DNAH9: variants seen among roughly 807,000 people sequenced by gnomAD.
DNAH9 encodes the protein DNAH9 variant protein.
A neutral mutation model predicts 471.6 loss-of-function variants in DNAH9; 345 were observed. That is an observed-to-expected ratio of 0.73 (90% CI 0.67 to 0.80). DNAH9 has a LOEUF of 0.80. DNAH9 is among the 30% of genes least tolerant of loss of function. The pLI, the probability that DNAH9 is intolerant of heterozygous loss-of-function variation, is 0.00. For synonymous variants in DNAH9, 2,093 were observed against 2,123.6 expected (o/e 0.99, Z 0.40); for missense variants, 5,407 against 5,609.2 (o/e 0.96, Z 1.15).
In DNAH9 at chr17:11,834,997, A is replaced by G. The variant is rs12942631; in HGVS notation, c.9507+99A>G. ...AGAGATGCAAGGACAATGTTGGGAG[A>G]GTTTAGGGTGGGCTCCAACTGTCAC... On this transcript the variant is annotated intron_variant, in intron 49 of 68. Transcript: ENST00000262442. The G allele has an allele frequency of 0.35, 509,650 of 1,459,606 alleles. 89,847 individuals carry two copies. The highest frequency in any genetic ancestry group is 0.45 in the Admixed American group (19,928 of 44,712). 90.4% of individuals were successfully genotyped at this position (1,459,606 alleles called of 1,614,324 possible).
chr17:11,700,995 C>A, intron 23 of DNAH9, 127 bp from the exon 24 acceptor site: 2 of 956,526 alleles, frequency 2.1e-6, no homozygotes, highest in East Asian at 2.5e-5. Flanking sequence ...CTTCTGGCAG[C>A]CACTTGGGGC....
Position 11,834,642 on chromosome 17 carries a change from A to T in DNAH9, c.9251A>T (p.Asp3084Val), listed in dbSNP as rs577577010. 3.2e-5 allele frequency: 52 copies of T among 1,613,878 alleles called. No individual in the cohort carries two copies. The South Asian group carries it at 5.1e-4, about 16-fold the overall frequency. Residue 3084 changes from aspartate (D) to valine (V), a missense_variant, in exon 49 of 69, where the codon GAT becomes GTT. Asp to Val is a radical substitution (Grantham distance 152, BLOSUM62 -3). Transcript: ENST00000262442. ...LKLHSTSAQV[D>V]DLKAKLAAQE... ...TCCCGTGCTTCTCCAATGCAGGTGG[A>T]TGATCTGAAAGCAAAGCTGGCTGCC...
At chr17:11,830,617 T>C (rs1567832904) in intron 48 of DNAH9, among the ~76,000 whole-genome samples, 2 of 151,842 alleles carry the variant, frequency 1.3e-5, no homozygotes, top group Non-Finnish European at 2.9e-5. Context: ...GGTGGGAAAA[T>C]AGAGAGAGGA....
intron 42 of DNAH9, among the ~76,000 whole-genome samples, chr17:11,795,915 A>G (rs2150910857): frequency 6.6e-6 from 1 of 152,294 alleles, no homozygotes; most frequent in Admixed American, 6.5e-5. Flanking sequence ...ACATCTTGGT[A>G]TTGGTATCAA....
At chr17:11,869,094 G>A in intron 50 of DNAH9, 40 bp from the exon 51 acceptor site, 1 of 1,605,096 alleles carries the variant, frequency 6.2e-7, no homozygotes, top group Non-Finnish European at 8.5e-7. Flanking sequence ...AGTTACATGG[G>A]CCGAAATGAC....
At chr17:11,918,780 G>A (rs1378788874) in intron 61 of DNAH9, among the ~76,000 whole-genome samples, 1 of 152,008 alleles carries the variant, frequency 6.6e-6, no homozygotes, top group Non-Finnish European at 1.5e-5. Flanking sequence ...GAGGTCAGGA[G>A]TCTGAGACCA....
At chr17:11,707,993 ACACACACACACAC>A (rs2074742392) in intron 26 of DNAH9, among the ~76,000 whole-genome samples, 1 of 67,346 alleles carries the variant, frequency 1.5e-5, no homozygotes, top group Non-Finnish European at 4.2e-5. Context: ...ACACACACAC[ACACACACACACAC>A]ACACACACAG....
chr17:11,862,834 T>C (rs1423317908), intron 50 of DNAH9, among the ~76,000 whole-genome samples: 1 of 151,936 alleles, frequency 6.6e-6, no homozygotes, highest in Non-Finnish European at 1.5e-5. Flanking sequence ...CTGTTATTGG[T>C]GTATAAGAAT....
chr17:11,710,341 A>G (rs1029763260), intron 26 of DNAH9, among the ~76,000 whole-genome samples: 9 of 152,162 alleles, frequency 5.9e-5, no homozygotes, highest in African/African-American at 2.2e-4. Flanking sequence ...ACTCACTTAT[A>G]TGTACAATTT....
At chr17:11,785,393 C>T (rs888263880) in intron 41 of DNAH9, among the ~76,000 whole-genome samples, 1 of 152,140 alleles carries the variant, frequency 6.6e-6, no homozygotes, top group African/African-American at 2.4e-5. Context: ...CACCACCTTC[C>T]AATGACAGCA....
intron 33 of DNAH9, among the ~76,000 whole-genome samples, chr17:11,756,286 A>C (rs1219978016): frequency 1.3e-5 from 2 of 151,970 alleles, no homozygotes; most frequent in East Asian, 1.9e-4. Context: ...AAAAAAAAAA[A>C]AAAAAAATCA....
intron 35 of DNAH9, among the ~76,000 whole-genome samples, chr17:11,758,030 C>T (rs987550237): frequency 6.6e-6 from 1 of 152,134 alleles, no homozygotes; most frequent in Non-Finnish European, 1.5e-5. Context: ...AGCAGCTCTG[C>T]ATTTGTAATA....
At chr17:11,839,515 C>CA (rs1187144134) in intron 49 of DNAH9, among the ~76,000 whole-genome samples, 1,798 of 105,976 alleles carry the variant, frequency 0.017, 26 homozygotes, top group African/African-American at 0.049. Flanking sequence ...GACTCTGTCT[C>CA]AAAAAAAAAA....
chr17:11,627,505 G>A (rs933776692), intron 6 of DNAH9, among the ~76,000 whole-genome samples: 3 of 152,166 alleles, frequency 2.0e-5, no homozygotes, highest in Non-Finnish European at 2.9e-5. Context: ...AAGTATGACT[G>A]TCCCTATAAA....
At chr17:11,942,228 C>G in intron 66 of DNAH9, 75 bp from the exon 67 acceptor site, 2 of 1,550,590 alleles carry the variant, frequency 1.3e-6, no homozygotes, top group Middle Eastern at 1.7e-4. Flanking sequence ...ATCTCTAGTC[C>G]CACACTGCAG....
intron 38 of DNAH9, among the ~76,000 whole-genome samples, chr17:11,776,375 TA>T (rs200076607): frequency 0.034 from 4,973 of 147,674 alleles, 104 homozygotes; most frequent in South Asian, 0.068. Context: ...AAAAAAGTGG[TA>T]GGGGGAGATA....
intron 38 of DNAH9, 52 bp from the exon 39 acceptor site, chr17:11,780,957 C>T: frequency 1.3e-6 from 2 of 1,570,258 alleles, no homozygotes; most frequent in Non-Finnish European, 1.7e-6. Flanking sequence ...TGTCTCAGTA[C>T]TGGCATCTGA....
intron 30 of DNAH9, among the ~76,000 whole-genome samples, chr17:11,743,658 T>C (rs2075465603): frequency 6.6e-6 from 1 of 152,186 alleles, no homozygotes; most frequent in South Asian, 2.1e-4. Flanking sequence ...CCTGAGCCTG[T>C]GGACATCCTG....
intron 15 of DNAH9, among the ~76,000 whole-genome samples, chr17:11,668,196 A>C (rs2073907267): frequency 1.3e-5 from 2 of 152,176 alleles, no homozygotes; most frequent in Admixed American, 6.5e-5. Flanking sequence ...CACAGCAATA[A>C]ATTATTTCTT....
Sources: allele counts gnomAD v4.1 joint callset (sites outside exome capture counted in the v4.1 genomes callset), GRCh38; gene constraint gnomAD v4.1.1; transcripts MANE v1.5; gene names NCBI Gene and HGNC (gene_info 2026-07-23, HGNC 2026-07-21).